NALCN: variants seen among roughly 807,000 people sequenced by gnomAD.
NALCN encodes sodium leak channel NALCN.
NALCN carries 111 observed loss-of-function variants against 225.3 expected under a neutral mutation model. That is an observed-to-expected ratio of 0.49 (90% CI 0.42 to 0.58). The LOEUF (loss-of-function observed/expected upper bound fraction) is 0.58. Ranked by LOEUF, NALCN falls within the 20% of genes least tolerant of loss-of-function variation. NALCN has a pLI of 0.00. For missense variants in NALCN, 1,378 were observed against 2,202.4 expected (o/e 0.63, Z 7.49); for synonymous variants, 764 against 769.0 (o/e 0.99, Z 0.11).
chr13:101,393,429 C>A (rs1012108139), intron 3 of NALCN, among the ~76,000 whole-genome samples: 1 of 152,128 alleles, frequency 6.6e-6, no homozygotes, highest in African/African-American at 2.4e-5. Context: ...AAGCAATCAG[C>A]CAAATCTCAA....
intron 18 of NALCN, chr13:101,116,458 G>A (rs919866459): frequency 4.0e-6 from 2 of 505,742 alleles, no homozygotes; most frequent in Non-Finnish European, 7.8e-6. Flanking sequence ...GAGATCTTTG[G>A]AGCTTTATTA....
At chr13:101,280,030 T>C (rs904079115) in intron 10 of NALCN, among the ~76,000 whole-genome samples, 1 of 152,078 alleles carries the variant, frequency 6.6e-6, no homozygotes, top group Non-Finnish European at 1.5e-5. Context: ...TTCAGGACCA[T>C]TTTATCTTCA....
intron 12 of NALCN, among the ~76,000 whole-genome samples, chr13:101,232,825 A>G (rs2041405141): frequency 6.6e-6 from 1 of 152,156 alleles, no homozygotes; most frequent in Non-Finnish European, 1.5e-5. Context: ...ACAAGCAAAC[A>G]GCTTTATCAT....
At chr13:101,412,780 G>T (rs1399892162) in intron 1 of NALCN, among the ~76,000 whole-genome samples, 1 of 152,174 alleles carries the variant, frequency 6.6e-6, no homozygotes, top group Admixed American at 6.5e-5. Flanking sequence ...CTTTACCTGT[G>T]GGGGTACAGA....
At chr13:101,090,108 G>A in intron 28 of NALCN, 142 bp from the exon 29 acceptor site, 1 of 1,206,152 alleles carries the variant, frequency 8.3e-7, no homozygotes, top group South Asian at 1.5e-5. Context: ...ACACACGTGT[G>A]CGTGCACACA....
chr13:101,334,921 T>C (rs2045329000), intron 7 of NALCN, among the ~76,000 whole-genome samples: 1 of 152,130 alleles, frequency 6.6e-6, no homozygotes, highest in African/African-American at 2.4e-5. Flanking sequence ...GAGGGAATTA[T>C]ATATGGCAGA....
intron 3 of NALCN, among the ~76,000 whole-genome samples, chr13:101,385,401 C>T (rs1236369478): frequency 6.6e-6 from 1 of 151,972 alleles, no homozygotes; most frequent in East Asian, 1.9e-4. Context: ...TGCCTGCCTC[C>T]CCCATAGCTT....
intron 15 of NALCN, among the ~76,000 whole-genome samples, chr13:101,160,383 G>A (rs970095595): frequency 2.6e-5 from 4 of 152,126 alleles, no homozygotes; most frequent in Non-Finnish European, 4.4e-5. Flanking sequence ...GTGAGAACAG[G>A]AGCCATATGA....
chr13:101,141,911 T>G (rs1015409826), intron 17 of NALCN, among the ~76,000 whole-genome samples: 5 of 152,152 alleles, frequency 3.3e-5, no homozygotes, highest in Admixed American at 1.3e-4. Flanking sequence ...GTGGAATACT[T>G]GCAAGTGAAC....
At chr13:101,360,104 C>G (rs1409040659) in intron 6 of NALCN, among the ~76,000 whole-genome samples, 1 of 136,992 alleles carries the variant, frequency 7.3e-6, no homozygotes, top group African/African-American at 3.2e-5. Context: ...TTTTCTTTCT[C>G]TTTCTCTTTT....
chr13:101,296,286 A>G (rs772358810), intron 7 of NALCN, among the ~76,000 whole-genome samples: 2 of 152,222 alleles, frequency 1.3e-5, no homozygotes, highest in Non-Finnish European at 2.9e-5. Flanking sequence ...TTAAACAATG[A>G]TTTTGTAGCC....
At chr13:101,241,795 T>TGCCTGACCTGGTTGCTGTATTAG (rs373001395) in intron 11 of NALCN, among the ~76,000 whole-genome samples, 4 of 109,674 alleles carry the variant, frequency 3.6e-5, no homozygotes, top group African/African-American at 6.5e-5. Flanking sequence ...GATGATCCCA[T>TGCCTGACCTGGTTGCTGTATTAG]CCTTTCCCTC....
rs779729910 is a variant in NALCN, at chr13:101,082,796, CTCAT to C, written c.3765+9_3765+12del. ...CACAGATTCCCCCAGAGCTAGCTGA[CTCAT>C]TACAGTACCTCCAGAACAAAGATGA... On this transcript the variant is annotated intron_variant, in intron 33 of 43. Transcript: ENST00000251127. 3.8e-5 allele frequency: 62 copies of C among 1,613,906 alleles called. No homozygotes were observed. The highest frequency in any genetic ancestry group is 9.9e-5 in the South Asian group (9 of 91,086).
At chr13:101,093,557 T>C (rs2034346152) in intron 28 of NALCN, among the ~76,000 whole-genome samples, 1 of 152,214 alleles carries the variant, frequency 6.6e-6, no homozygotes, top group Non-Finnish European at 1.5e-5. Context: ...CTTATGCTTC[T>C]AGAATGGCAT....
chr13:101,393,662 C>T lies in NALCN; in HGVS notation c.291+1521G>A, dbSNP rs953812432. On this transcript the variant is annotated intron_variant, in intron 3 of 43. Coordinates refer to ENST00000251127, the MANE Select transcript of NALCN (RefSeq NM_052867.4). ...ATCTCTACTGAAAATACAAAATTAG[C>T]CCGGGGTGGTGGCTTATGCCTGTAA... Among the ~76,000 whole-genome samples the T allele has an allele frequency of 7.2e-5, 11 of 151,848 alleles. No individual in the cohort carries two copies. The East Asian group carries it at 1.3e-3, about 19-fold the overall frequency.
intron 7 of NALCN, among the ~76,000 whole-genome samples, chr13:101,328,507 T>C (rs535782624): frequency 6.6e-6 from 1 of 152,278 alleles, no homozygotes; most frequent in Admixed American, 6.5e-5. Context: ...TTACATTGTA[T>C]AATCATGAGT....
intron 6 of NALCN, among the ~76,000 whole-genome samples, chr13:101,347,985 T>C (rs2045793700): frequency 6.6e-6 from 1 of 152,172 alleles, no homozygotes; most frequent in African/African-American, 2.4e-5. Flanking sequence ...TTCATAGAAC[T>C]ATGCAGCTAA....
intron 17 of NALCN, among the ~76,000 whole-genome samples, chr13:101,134,148 C>T (rs7337302): frequency 0.043 from 6,531 of 152,096 alleles, 379 homozygotes; most frequent in African/African-American, 0.14. Context: ...CCAGCATGGG[C>T]CACAGAGCGA....
At chr13:101,204,778 CAA>C (rs1041238275) in intron 13 of NALCN, among the ~76,000 whole-genome samples, 1 of 152,042 alleles carries the variant, frequency 6.6e-6, no homozygotes, top group African/African-American at 2.4e-5. Flanking sequence ...GACAGCTGGA[CAA>C]GGTCATGAAT....
Sources: allele counts gnomAD v4.1 joint callset (sites outside exome capture counted in the v4.1 genomes callset), GRCh38; gene constraint gnomAD v4.1.1; transcripts MANE v1.5; gene names NCBI Gene and HGNC (gene_info 2026-07-23, HGNC 2026-07-21).